Variants in FGGY observed in about 807,000 individuals in gnomAD.
FGGY encodes FGGY carbohydrate kinase domain containing.
A neutral mutation model predicts 71.3 loss-of-function variants in FGGY; 72 were observed. The observed-to-expected ratio is 1.01, with a 90% CI of 0.84 to 1.23. The LOEUF is 1.23. FGGY is among the 50% of genes most tolerant of loss of function. The pLI, the probability that FGGY is intolerant of heterozygous loss-of-function variation, is 0.00. For synonymous variants in FGGY, 251 were observed against 250.3 expected, an observed-to-expected ratio of 1.00 and a Z score of -0.02; for missense variants, 668 against 682.3, an observed-to-expected ratio of 0.98 and a Z score of 0.23.
At chr1:59,439,057 G>A (rs1250851794) in intron 5 of FGGY, among the ~76,000 whole-genome samples, 4 of 152,120 alleles carry the variant, frequency 2.6e-5, no homozygotes, top group Non-Finnish European at 4.4e-5. Context: ...CCAACTGGAT[G>A]TTGTCTCTTA....
At position 59,677,188 on chromosome 1, in the gene FGGY, G is replaced by A. The variant is rs142808879; in HGVS notation, c.1512+3055G>A. Among the ~76,000 whole-genome samples, 607 of 152,298 alleles carry A rather than the reference G, an allele frequency of 4.0e-3. 6 individuals are homozygous for A. Among genetic ancestry groups the A allele is most frequent in the African/African-American group, 0.014 (588 of 41,562 alleles). On this transcript the variant is annotated intron_variant, in intron 14 of 15. Transcript: ENST00000303721. ...GTCTGAGGACCAGCTTCAGATTCTG[G>A]CAAGGTGAGGCAAAATTGAATTGCT...
In FGGY at chr1:59,366,142, A is replaced by T. The variant is rs74085987; in HGVS notation, c.466-12607A>T. Reference sequence around the variant, plus strand: ...TGGGAAATCAACTCTAGTGTGGATTATAAGTTTTTCTTTTCGTACAAGAAG... The same window carrying T: ...TGGGAAATCAACTCTAGTGTGGATTTTAAGTTTTTCTTTTCGTACAAGAAG... On this transcript the variant is annotated intron_variant, in intron 4 of 15. Coordinates refer to ENST00000303721, the MANE Select transcript of FGGY (RefSeq NM_018291.5). Among the ~76,000 whole-genome samples the T allele has an allele frequency of 7.0e-3, 1,073 of 152,314 alleles. 10 individuals carry two copies. Among genetic ancestry groups the T allele is most frequent in the African/African-American group, 0.024 (1,017 of 41,566 alleles).
intron 7 of FGGY, among the ~76,000 whole-genome samples, chr1:59,514,918 A>T (rs1019874911): frequency 2.0e-5 from 3 of 152,190 alleles, no homozygotes; most frequent in Non-Finnish European, 4.4e-5. Context: ...TGGTACCAGT[A>T]GAGTGGGGCA....
chr1:59,470,646 A>G (rs1228012379), intron 6 of FGGY, among the ~76,000 whole-genome samples: 2 of 152,228 alleles, frequency 1.3e-5, no homozygotes, highest in Non-Finnish European at 2.9e-5. Context: ...CCCTTTTGTA[A>G]ACAAACCATA....
intron 14 of FGGY, chr1:59,755,224 G>C (rs1392161284): frequency 6.6e-6 from 1 of 152,122 alleles, no homozygotes; most frequent in Non-Finnish European, 1.5e-5. Context: ...TCTTATATCT[G>C]TCATCTTTAG....
At chr1:59,350,171 A>C (rs1018501972) in intron 4 of FGGY, among the ~76,000 whole-genome samples, 1 of 152,118 alleles carries the variant, frequency 6.6e-6, no homozygotes, top group African/African-American at 2.4e-5. Context: ...CTCCTTCTTC[A>C]TTCTTTAATT....
At chr1:59,555,374 G>A (rs2095668838) in intron 8 of FGGY, among the ~76,000 whole-genome samples, 1 of 152,160 alleles carries the variant, frequency 6.6e-6, no homozygotes, top group Admixed American at 6.5e-5. Context: ...TACTAAGTGT[G>A]GGCCTTTGGG....
chr1:59,353,041 T>C (rs984868576), intron 4 of FGGY, among the ~76,000 whole-genome samples: 2 of 152,178 alleles, frequency 1.3e-5, no homozygotes, highest in Non-Finnish European at 2.9e-5. Context: ...TTGGGAGATA[T>C]AACACAAATC....
chr1:59,501,645 G>A (rs1039928709), intron 6 of FGGY, among the ~76,000 whole-genome samples: 4 of 152,270 alleles, frequency 2.6e-5, no homozygotes, highest in South Asian at 2.1e-4. Flanking sequence ...TGAAACAAGC[G>A]TTTTGTTCTT....
intron 3 of FGGY, among the ~76,000 whole-genome samples, chr1:59,345,905 G>A (rs1459042937): frequency 6.6e-6 from 1 of 152,192 alleles, no homozygotes; most frequent in African/African-American, 2.4e-5. Flanking sequence ...TTTCCTGAAT[G>A]TATGCCCAGA....
chr1:59,468,893 A>G (rs1292505908), intron 6 of FGGY, among the ~76,000 whole-genome samples: 3 of 149,756 alleles, frequency 2.0e-5, no homozygotes, highest in East Asian at 1.9e-4. Flanking sequence ...AAAAAAAAAA[A>G]GGATCTTGAC....
At chr1:59,391,432 T>C (rs1269871096) in intron 5 of FGGY, among the ~76,000 whole-genome samples, 1 of 152,212 alleles carries the variant, frequency 6.6e-6, no homozygotes, top group Non-Finnish European at 1.5e-5. Flanking sequence ...TCTCAGGGAC[T>C]GTGCCTTGCA....
chr1:59,736,698 G>A (rs894675543), intron 14 of FGGY, among the ~76,000 whole-genome samples: 5 of 152,138 alleles, frequency 3.3e-5, no homozygotes, highest in East Asian at 1.9e-4. Context: ...TGCTGTTGAC[G>A]GCATTCAGTT....
intron 5 of FGGY, among the ~76,000 whole-genome samples, chr1:59,415,176 A>G (rs891418286): frequency 1.3e-5 from 2 of 152,104 alleles, no homozygotes; most frequent in African/African-American, 2.4e-5. Flanking sequence ...GCCTATCTCA[A>G]AAAGCTTTGG....
At chr1:59,709,538 C>T (rs2097779286) in intron 14 of FGGY, among the ~76,000 whole-genome samples, 1 of 151,986 alleles carries the variant, frequency 6.6e-6, no homozygotes, top group Non-Finnish European at 1.5e-5. Context: ...ATGCCGCCCA[C>T]AGGTGGACAA....
intron 6 of FGGY, among the ~76,000 whole-genome samples, chr1:59,478,580 C>T (rs1476525301): frequency 6.6e-6 from 1 of 152,080 alleles, no homozygotes; most frequent in Non-Finnish European, 1.5e-5. Context: ...GATACAGATA[C>T]AATATGTTTC....
At chr1:59,593,564 A>C (rs1571848235) in intron 8 of FGGY, among the ~76,000 whole-genome samples, 1 of 152,152 alleles carries the variant, frequency 6.6e-6, no homozygotes, top group East Asian at 1.9e-4. Flanking sequence ...AAATAAATCC[A>C]CTGTCTTTTC....
chr1:59,475,818 C>T (rs1209145363), intron 6 of FGGY, among the ~76,000 whole-genome samples: 1 of 152,192 alleles, frequency 6.6e-6, no homozygotes. Context: ...CTGTTTCTGT[C>T]CTTCCCTCTG....
In FGGY at chr1:59,348,070, T is replaced by C. The variant is rs937573442; in HGVS notation, c.465+1672T>C. 3.9e-5 allele frequency among the ~76,000 whole-genome samples: 6 copies of C among 152,282 alleles called. No homozygotes were observed. The East Asian group carries it at 1.2e-3, about 29-fold the overall frequency. On this transcript the variant is annotated intron_variant, in intron 4 of 15. Coordinates refer to ENST00000303721, the MANE Select transcript of FGGY (RefSeq NM_018291.5). ...GCAATCTACTCATCTGACAAAGGGC[T>C]AATATCCAGAATCTACAATGAACTC...
Sources: gnomAD v4.1 joint callset for allele counts (sites outside exome capture counted in the v4.1 genomes callset) on GRCh38, gnomAD v4.1.1 for gene constraint, MANE v1.5 for transcripts, NCBI Gene and HGNC (gene_info 2026-07-23, HGNC 2026-07-21) for gene names.